Variants in CACNA2D1 observed in about 807,000 individuals in gnomAD.
The protein encoded by CACNA2D1 is voltage-dependent calcium channel subunit alpha-2/delta-1.
In CACNA2D1, 53 loss-of-function variants were observed where a neutral mutation model predicts 171.5. The ratio of observed to expected loss-of-function variants is 0.31; its 90% confidence interval spans 0.25 to 0.39. The LOEUF is 0.39. CACNA2D1 is among the 10% of genes least tolerant of loss of function. The pLI is 1.00. For missense variants in CACNA2D1, 903 were observed against 1,299.8 expected, an observed-to-expected ratio of 0.69 and a Z score of 4.69; for synonymous variants, 442 against 443.1, an observed-to-expected ratio of 1.00 and a Z score of 0.03.
At chr7:82,014,027 C>T (rs1800120338) in intron 13 of CACNA2D1, among the ~76,000 whole-genome samples, 1 of 151,878 alleles carries the variant, frequency 6.6e-6, no homozygotes, top group African/African-American at 2.4e-5. Context: ...TTTTCAAAAA[C>T]AGTAATTAAA....
At chr7:82,416,108 G>A (rs925660322) in intron 1 of CACNA2D1, among the ~76,000 whole-genome samples, 29 of 152,024 alleles carry the variant, frequency 1.9e-4, no homozygotes, top group African/African-American at 6.5e-4. Context: ...CCAGCTACTC[G>A]GGAGGGTGAA....
chr7:82,214,997 T>G (rs1800951917), intron 3 of CACNA2D1, among the ~76,000 whole-genome samples: 1 of 152,194 alleles, frequency 6.6e-6, no homozygotes, highest in Admixed American at 6.5e-5. Context: ...AGCCATATGT[T>G]GAAACCAACC....
chr7:82,349,319 G>A (rs1451460244), intron 2 of CACNA2D1, among the ~76,000 whole-genome samples: 3 of 152,016 alleles, frequency 2.0e-5, no homozygotes, highest in East Asian at 3.9e-4. Flanking sequence ...TACATAACAC[G>A]CAGACTCACT....
intron 3 of CACNA2D1, among the ~76,000 whole-genome samples, chr7:82,285,174 T>C (rs1012778167): frequency 6.6e-6 from 1 of 151,864 alleles, no homozygotes; most frequent in African/African-American, 2.4e-5. Flanking sequence ...CTCCTCCTCT[T>C]CTCGATGGTG....
chr7:82,150,271 AAAAACAACAAC>A (rs1563122875), intron 4 of CACNA2D1, among the ~76,000 whole-genome samples: 878 of 71,520 alleles, frequency 0.012, 84 homozygotes, highest in African/African-American at 0.045. Flanking sequence ...AAAAAAAAAC[AAAAACAACAAC>A]AAAAAAAAAC....
intron 4 of CACNA2D1, among the ~76,000 whole-genome samples, chr7:82,146,877 T>C (rs1023572496): frequency 3.3e-5 from 5 of 149,496 alleles, no homozygotes; most frequent in Non-Finnish European, 5.9e-5. Flanking sequence ...TCCCAGCTAC[T>C]TGGGAGGCTG....
intron 10 of CACNA2D1, among the ~76,000 whole-genome samples, chr7:82,038,457 A>G (rs1803571677): frequency 6.6e-6 from 1 of 152,142 alleles, no homozygotes; most frequent in South Asian, 2.1e-4. Context: ...TATATTCCCG[A>G]AGCCTGCTTT....
chr7:82,129,856 G>T (rs373005658), intron 5 of CACNA2D1, among the ~76,000 whole-genome samples: 3 of 152,124 alleles, frequency 2.0e-5, no homozygotes, highest in Non-Finnish European at 2.9e-5. Context: ...TGTCATATTT[G>T]TAACTACAGA....
intron 9 of CACNA2D1, among the ~76,000 whole-genome samples, chr7:82,063,158 A>G (rs1326789264): frequency 6.6e-6 from 1 of 152,130 alleles, no homozygotes. Context: ...AATTTCATAT[A>G]CACTTTCAAG....
intron 4 of CACNA2D1, among the ~76,000 whole-genome samples, chr7:82,140,506 G>A (rs543702078): frequency 9.6e-4 from 146 of 152,198 alleles, no homozygotes; most frequent in African/African-American, 3.4e-3. Context: ...CAGGGCATCA[G>A]GAGTTGGAGA....
At chr7:82,172,838 CA>C (rs911093326) in intron 3 of CACNA2D1, among the ~76,000 whole-genome samples, 3 of 131,238 alleles carry the variant, frequency 2.3e-5, no homozygotes, top group Non-Finnish European at 3.1e-5. Context: ...CATGTATGGG[CA>C]AAAAAAAAAT....
intron 3 of CACNA2D1, among the ~76,000 whole-genome samples, chr7:82,273,118 T>A (rs1257014882): frequency 6.6e-6 from 1 of 152,162 alleles, no homozygotes; most frequent in Non-Finnish European, 1.5e-5. Flanking sequence ...CCATTTGTTA[T>A]CTACCAACTT....
At chr7:82,110,874 C>G (rs1032748917) in intron 6 of CACNA2D1, among the ~76,000 whole-genome samples, 1 of 152,138 alleles carries the variant, frequency 6.6e-6, no homozygotes, top group Non-Finnish European at 1.5e-5. Flanking sequence ...CTATTTTTAT[C>G]GAGAGCACTC....
intron 1 of CACNA2D1, among the ~76,000 whole-genome samples, chr7:82,437,641 T>C (rs1323229576): frequency 6.6e-6 from 1 of 152,172 alleles, no homozygotes; most frequent in African/African-American, 2.4e-5. Context: ...CTATAAAAAG[T>C]GTGCCGGTTT....
At chr7:82,005,580 A>T in intron 17 of CACNA2D1, 83 bp from the exon 18 acceptor site, 7 of 919,230 alleles carry the variant, frequency 7.6e-6, no homozygotes, top group Non-Finnish European at 1.2e-5. Flanking sequence ...ATAATGTATT[A>T]AATACACATT....
chr7:82,391,267 T>C (rs560053741), intron 1 of CACNA2D1, among the ~76,000 whole-genome samples: 18 of 152,176 alleles, frequency 1.2e-4, no homozygotes, highest in Non-Finnish European at 2.4e-4. Flanking sequence ...ACCACACAAG[T>C]ATATAATTAG....
intron 3 of CACNA2D1, among the ~76,000 whole-genome samples, chr7:82,294,917 G>C (rs917869794): frequency 3.3e-5 from 5 of 152,090 alleles, no homozygotes; most frequent in Non-Finnish European, 7.4e-5. Context: ...AAAAAAGAAA[G>C]TTAAATCAGT....
In CACNA2D1 at chr7:82,390,542, T is replaced by C. The variant is rs1190986891; in HGVS notation, c.96-40893A>G. On this transcript the variant is annotated intron_variant, in intron 1 of 38. Coordinates refer to ENST00000356860, the MANE Select transcript of CACNA2D1 (RefSeq NM_000722.4). ...CTAAAACATCAACAAGAAAAGTCAA[T>C]TATCGAAGAAGCTAATGCAAAATGA... Among the ~76,000 whole-genome samples, 4 of 152,218 alleles carry C rather than the reference T, an allele frequency of 2.6e-5. No homozygotes were observed. In the East Asian group the frequency reaches 7.7e-4, roughly 29 times the overall value.
At chr7:82,377,354 C>A (rs1823131919) in intron 1 of CACNA2D1, among the ~76,000 whole-genome samples, 1 of 152,160 alleles carries the variant, frequency 6.6e-6, no homozygotes. Flanking sequence ...CTGTAGGATT[C>A]AACTCTCCAT....
Sources: gnomAD v4.1 joint callset for allele counts (sites outside exome capture counted in the v4.1 genomes callset) on GRCh38, gnomAD v4.1.1 for gene constraint, MANE v1.5 for transcripts, NCBI Gene and HGNC (gene_info 2026-07-23, HGNC 2026-07-21) for gene names.